Variants in CEP63 observed in about 807,000 individuals in gnomAD.
The protein encoded by CEP63 is centrosomal protein 63.
In CEP63, 84 loss-of-function variants were observed where a neutral mutation model predicts 89.1. That is an observed-to-expected ratio of 0.94 (90% CI 0.79 to 1.13). The LOEUF (loss-of-function observed/expected upper bound fraction) is 1.13. Ranked by LOEUF, CEP63 falls within the 50% of genes most tolerant of loss-of-function variation. CEP63 has a pLI of 0.00. For missense variants in CEP63, 838 were observed against 813.3 expected (o/e 1.03, Z -0.37); for synonymous variants, 267 against 272.5 (o/e 0.98, Z 0.20).
At chr3:134,653,038 T>C in the CEP63 span, among the ~76,000 whole-genome samples, 2 of 152,170 alleles carry the variant, frequency 1.3e-5, no homozygotes, top group Non-Finnish European at 1.5e-5. Flanking sequence ...CAGAACTGCC[T>C]CTGGAGAAGG....
At chr3:134,501,262 A>G (rs961497035) in intron 2 of CEP63, among the ~76,000 whole-genome samples, 3 of 152,132 alleles carry the variant, frequency 2.0e-5, no homozygotes, top group African/African-American at 7.2e-5. Flanking sequence ...AAGCAAGGCA[A>G]TATGATGCCT....
At chr3:134,586,577 G>A (rs1341249133) in intron 10 of CEP63, among the ~76,000 whole-genome samples, 1 of 152,148 alleles carries the variant, frequency 6.6e-6, no homozygotes, top group Non-Finnish European at 1.5e-5. Context: ...AGTCTGATGG[G>A]CTTCCCTTTG....
the CEP63 span, chr3:134,625,240 A>T: frequency 1.2e-6 from 1 of 851,416 alleles, no homozygotes; most frequent in Admixed American, 2.2e-5. Context: ...CCAACCTTTA[A>T]CACAATTCTC....
At chr3:134,753,435 A>G in the CEP63 span, among the ~76,000 whole-genome samples, 1 of 152,152 alleles carries the variant, frequency 6.6e-6, no homozygotes, top group Non-Finnish European at 1.5e-5. Context: ...GATGGCCCAC[A>G]TGCTGCAGGT....
At chr3:134,511,069 T>C in intron 3 of CEP63, 1 of 163,890 alleles carries the variant, frequency 6.1e-6, no homozygotes. Context: ...CGGGTGCTTA[T>C]GTGCATCTAA....
intron 10 of CEP63, 126 bp downstream of exon 10, chr3:134,549,302 G>T: frequency 1.5e-6 from 1 of 670,790 alleles, no homozygotes. Flanking sequence ...TTGATATTTA[G>T]GAGTGGAAGA....
the CEP63 span, among the ~76,000 whole-genome samples, chr3:134,694,541 G>A: frequency 1.3e-5 from 2 of 152,206 alleles, no homozygotes; most frequent in South Asian, 2.1e-4. Flanking sequence ...GTTTGTCTGT[G>A]CCTGGGCCTG....
chr3:134,606,569 C>T, the CEP63 span, among the ~76,000 whole-genome samples: 6 of 152,272 alleles, frequency 3.9e-5, no homozygotes, highest in East Asian at 3.9e-4. Flanking sequence ...CTTCAGGGAA[C>T]GTTCCACTGC....
In CEP63 at chr3:134,580,172, G is replaced by A. The variant is rs917873737; in HGVS notation, c.1207-7286G>A. Among the ~76,000 whole-genome samples the A allele has an allele frequency of 9.5e-5, 14 of 147,884 alleles. 1 individual carries two copies. Among genetic ancestry groups the A allele is most frequent in the African/African-American group, 2.5e-4 (10 of 40,034 alleles). On this transcript the variant is annotated intron_variant, in intron 10 of 10. Transcript: ENST00000683931. Reference sequence around the variant, plus strand: ...ATTGCGCCATTGCACTCCAGCCTGGGCGACAGAGTGAGACTCCACCTCAAA... The same window carrying A: ...ATTGCGCCATTGCACTCCAGCCTGGACGACAGAGTGAGACTCCACCTCAAA...
chr3:134,572,446 C>T (rs1466193141), intron 11 of CEP63, among the ~76,000 whole-genome samples: 1 of 152,054 alleles, frequency 6.6e-6, no homozygotes, highest in African/African-American at 2.4e-5. Context: ...CTATTGTTGC[C>T]ATCTTTATGT....
rs747337882 is a variant in CEP63, at chr3:134,531,838, CT to C, written c.223-3del. The C allele has an allele frequency of 6.2e-7, 1 of 1,606,974 alleles. No homozygotes were observed. The highest frequency in any genetic ancestry group is 8.5e-7 in the Non-Finnish European group (1 of 1,173,776). On this transcript the variant is annotated splice_region_variant and splice_polypyrimidine_tract_variant and intron_variant, in intron 3 of 14. Coordinates refer to ENST00000675561, the MANE Select transcript of CEP63 (RefSeq NM_001353108.3). ...AGTGAAAAATACTACCACCTTTCTG[CT>C]TTTAGGTTGGAATGTTGCATCAGCA...
chr3:134,712,784 G>T, the CEP63 span, among the ~76,000 whole-genome samples: 1 of 152,156 alleles, frequency 6.6e-6, no homozygotes, highest in South Asian at 2.1e-4. Flanking sequence ...TTTCTGGGGG[G>T]AACTCAAATT....
the CEP63 span, among the ~76,000 whole-genome samples, chr3:134,745,984 G>A: frequency 1.3e-5 from 2 of 149,948 alleles, no homozygotes; most frequent in Non-Finnish European, 3.0e-5. Context: ...TGTTACATAT[G>A]TATACATGTG....
chr3:134,513,684 C>T (rs1181929600), intron 3 of CEP63, among the ~76,000 whole-genome samples: 5 of 151,916 alleles, frequency 3.3e-5, no homozygotes, highest in South Asian at 2.1e-4. Context: ...TGGCTCTGAA[C>T]GCCTCCTCAG....
intron 3 of CEP63, among the ~76,000 whole-genome samples, chr3:134,530,662 A>T (rs1949690235): frequency 6.6e-6 from 1 of 152,194 alleles, no homozygotes; most frequent in Admixed American, 6.5e-5. Context: ...CCAGAAATTC[A>T]GTTACATCAT....
chr3:134,568,829 T>C (rs1957894920), downstream of CEP63, among the ~76,000 whole-genome samples: 1 of 152,210 alleles, frequency 6.6e-6, no homozygotes, highest in African/African-American at 2.4e-5. Context: ...AAGTATTAAG[T>C]GTTTTATTAG....
the CEP63 span, among the ~76,000 whole-genome samples, chr3:134,671,547 C>T: frequency 6.6e-6 from 1 of 152,218 alleles, no homozygotes; most frequent in African/African-American, 2.4e-5. Context: ...CCTTTGTTCA[C>T]TTCCAGTGGC....
At chr3:134,748,115 T>C in the CEP63 span, among the ~76,000 whole-genome samples, 1 of 152,142 alleles carries the variant, frequency 6.6e-6, no homozygotes, top group African/African-American at 2.4e-5. Flanking sequence ...GATAGTTCAG[T>C]GGGGGTAGGG....
the CEP63 span, among the ~76,000 whole-genome samples, chr3:134,686,195 A>T: frequency 1.3e-5 from 2 of 152,192 alleles, no homozygotes; most frequent in East Asian, 3.9e-4. Flanking sequence ...CTGCTATGAA[A>T]AGCAAAAGTC....
Sources: gnomAD v4.1 joint callset for allele counts (sites outside exome capture counted in the v4.1 genomes callset) on GRCh38, gnomAD v4.1.1 for gene constraint, MANE v1.5 for transcripts, NCBI Gene and HGNC (gene_info 2026-07-23, HGNC 2026-07-21) for gene names.